CADPS: variants seen among roughly 807,000 people sequenced by gnomAD.
CADPS encodes the protein calcium dependent secretion activator, also known as calcium-dependent secretion activator 1.
In CADPS, 57 loss-of-function variants were observed where a neutral mutation model predicts 167.3. That is an observed-to-expected ratio of 0.34 (90% CI 0.28 to 0.42). The LOEUF (loss-of-function observed/expected upper bound fraction) is 0.42. Ranked by LOEUF, CADPS falls within the 20% of genes least tolerant of loss-of-function variation. CADPS has a pLI of 1.00. For synonymous variants in CADPS, 676 were observed against 635.3 expected, an observed-to-expected ratio of 1.06 and a Z score of -0.96; for missense variants, 1,414 against 1,738.1, an observed-to-expected ratio of 0.81 and a Z score of 3.32.
chr3:62,533,178 T>A, intron 12 of CADPS, 120 bp from the exon 13 acceptor site: 5 of 783,670 alleles, frequency 6.4e-6, no homozygotes, highest in Non-Finnish European at 8.2e-6. Flanking sequence ...CACTCCTTGA[T>A]TGCCTATTAT....
intron 3 of CADPS, among the ~76,000 whole-genome samples, chr3:62,733,954 C>T (rs772627823): frequency 1.3e-5 from 2 of 152,158 alleles, no homozygotes; most frequent in Non-Finnish European, 2.9e-5. Flanking sequence ...TTTTCCATTC[C>T]TGAGTTACTT....
chr3:62,427,244 C>T (rs146418262), intron 28 of CADPS, among the ~76,000 whole-genome samples: 93 of 152,126 alleles, frequency 6.1e-4, no homozygotes, highest in African/African-American at 1.9e-3. Context: ...TTAATAATTG[C>T]TTTTTATTTT....
rs570351111 is a variant in CADPS, at chr3:62,405,079, T to G, written c.3778-1894A>C. Among the ~76,000 whole-genome samples the G allele has an allele frequency of 9.0e-5, 13 of 145,076 alleles. No individual in the cohort carries two copies. In the South Asian group the frequency reaches 2.5e-3, roughly 28 times the overall value. ...TACTCCTGGCAACTGGAGGGCTCTC[T>G]TGTGCTAACCCCAGGCCTCAAATTC... On this transcript the variant is annotated intron_variant, in intron 28 of 29. Transcript: ENST00000383710.
rs760858229 is a variant in CADPS, at chr3:62,753,322, G to A, written c.888+119C>T. The A allele has an allele frequency of 2.8e-6, 2 of 712,422 alleles. No individual in the cohort carries two copies. Among genetic ancestry groups the A allele is most frequent in the Non-Finnish European group, 4.6e-6 (2 of 435,966 alleles). 44.1% of individuals were successfully genotyped at this position (712,422 alleles called of 1,614,324 possible). Reference sequence around the variant, plus strand: ...CTAAACTGTATTCAACTTTTTACCAGTAGAGTAATAAAATATAAGTTTTAA... The same window carrying A: ...CTAAACTGTATTCAACTTTTTACCAATAGAGTAATAAAATATAAGTTTTAA... On this transcript the variant is annotated intron_variant, in intron 3 of 29. Transcript: ENST00000383710. This position sits in a 1 kb window ranked among gnomAD's most constrained non-coding sequence, Gnocchi z 4.6.
intron 13 of CADPS, among the ~76,000 whole-genome samples, chr3:62,522,095 C>CTCTATCTATCTATCTATCTATCTA (rs3074258): frequency 1.4e-5 from 2 of 143,960 alleles, no homozygotes; most frequent in African/African-American, 5.2e-5. Flanking sequence ...ATCCTCAAAG[C>CTCTATCTATCTATCTATCTATCTA]TCTATCTATC....
chr3:62,411,530 T>C (rs191690824), intron 28 of CADPS, among the ~76,000 whole-genome samples: 42 of 152,372 alleles, frequency 2.8e-4, no homozygotes, highest in African/African-American at 8.7e-4. Context: ...TCAATGCGTA[T>C]TTCTTCCTTA....
At chr3:62,672,278 A>G (rs993061263) in intron 3 of CADPS, among the ~76,000 whole-genome samples, 6 of 152,148 alleles carry the variant, frequency 3.9e-5, no homozygotes, top group African/African-American at 1.4e-4. Context: ...CCTTCTAAAC[A>G]TCTCCTGGGT....
intron 8 of CADPS, among the ~76,000 whole-genome samples, chr3:62,576,589 G>A (rs1308042767): frequency 6.7e-6 from 1 of 149,988 alleles, no homozygotes; most frequent in Non-Finnish European, 1.5e-5. Context: ...TTAGAAGATT[G>A]AGACCAGCCT....
At chr3:62,801,422 G>A (rs928806525) in intron 1 of CADPS, among the ~76,000 whole-genome samples, 3 of 151,996 alleles carry the variant, frequency 2.0e-5, no homozygotes, top group Non-Finnish European at 4.4e-5. Context: ...GTTTCTCAGT[G>A]AGACCTCAAT....
intron 1 of CADPS, among the ~76,000 whole-genome samples, chr3:62,830,619 G>T (rs1041100163): frequency 6.6e-6 from 1 of 152,096 alleles, no homozygotes; most frequent in Admixed American, 6.6e-5. Context: ...CATAAACAAA[G>T]TCTCCCTACA....
chr3:62,511,692 C>T (rs1404146038), intron 17 of CADPS, among the ~76,000 whole-genome samples: 1 of 152,082 alleles, frequency 6.6e-6, no homozygotes, highest in African/African-American at 2.4e-5. Flanking sequence ...CTCGTGAAGA[C>T]TTCCATGGTT....
intron 6 of CADPS, among the ~76,000 whole-genome samples, chr3:62,612,106 C>T (rs576543397): frequency 6.6e-6 from 1 of 152,270 alleles, no homozygotes. Flanking sequence ...TGAAGAGTTA[C>T]AATGTCAGAA....
chr3:62,768,251 T>C (rs1312718158), intron 1 of CADPS, among the ~76,000 whole-genome samples: 1 of 152,172 alleles, frequency 6.6e-6, no homozygotes, highest in African/African-American at 2.4e-5. Flanking sequence ...AGGCCAGCTT[T>C]AATCTAGTTC....
At position 62,633,721 on chromosome 3, in the gene CADPS, C is replaced by A. The variant is rs138536080; in HGVS notation, c.1325+12001G>T. ...AAATCTCCACCAAATCACCACCCTACATCTTTGCTTCACAGCAGTGGTGCA... is the reference window on the plus strand; with the variant it reads ...AAATCTCCACCAAATCACCACCCTAAATCTTTGCTTCACAGCAGTGGTGCA... On this transcript the variant is annotated intron_variant, in intron 6 of 29. Transcript: ENST00000383710. 2.0e-3 allele frequency among the ~76,000 whole-genome samples: 303 copies of A among 152,270 alleles called. 2 individuals are homozygous for A. The East Asian group carries it at 0.023, about 11-fold the overall frequency.
rs757934375 is a variant in CADPS, at chr3:62,659,480, C to T, written c.969+2834G>A. ...GCTGAAGCTTAAGAATAATTACAAT[C>T]GGGGACTTAAACGGATGTCCTCAGG... On this transcript the variant is annotated intron_variant, in intron 4 of 29. Coordinates refer to ENST00000383710, the MANE Select transcript of CADPS (RefSeq NM_003716.4). Among the ~76,000 whole-genome samples, 19 of 152,140 alleles carry T rather than the reference C, an allele frequency of 1.2e-4. 1 individual carries two copies. The highest frequency in any genetic ancestry group is 5.9e-4 in the Admixed American group (9 of 15,258).
chr3:62,767,346 C>A (rs936351382), intron 1 of CADPS, among the ~76,000 whole-genome samples: 1 of 152,052 alleles, frequency 6.6e-6, no homozygotes, highest in Non-Finnish European at 1.5e-5. Context: ...TGGATCAGGG[C>A]TGGGTTTAAA....
chr3:62,494,124 A>G (rs1375489612), intron 18 of CADPS, among the ~76,000 whole-genome samples: 2 of 152,196 alleles, frequency 1.3e-5, no homozygotes, highest in African/African-American at 4.8e-5. Flanking sequence ...AGTTAAATAT[A>G]TTACATAAGA....
At chr3:62,472,939 C>T (rs1398971554) in intron 24 of CADPS, among the ~76,000 whole-genome samples, 2 of 152,210 alleles carry the variant, frequency 1.3e-5, no homozygotes, top group Non-Finnish European at 1.5e-5. Flanking sequence ...GAACAGCCAG[C>T]AGCATTAGCA....
At chr3:62,818,928 A>G (rs1395578061) in intron 1 of CADPS, among the ~76,000 whole-genome samples, 1 of 152,208 alleles carries the variant, frequency 6.6e-6, no homozygotes, top group Non-Finnish European at 1.5e-5. Flanking sequence ...CCCAAACACA[A>G]AAGATCATAC....
Sources: allele counts gnomAD v4.1 joint callset (sites outside exome capture counted in the v4.1 genomes callset), GRCh38; gene constraint gnomAD v4.1.1; non-coding constraint Gnocchi (gnomAD v3.1); transcripts MANE v1.5; gene names NCBI Gene and HGNC (gene_info 2026-07-23, HGNC 2026-07-21).